GGTLC2: variants seen among roughly 807,000 people sequenced by gnomAD.
GGTLC2 encodes gamma-glutamyltransferase light chain 2, also known as glutathione hydrolase light chain 2.
Under a neutral mutation model 20.2 loss-of-function variants are expected in GGTLC2, and 13 were observed. The observed-to-expected ratio is 0.64, with a 90% CI of 0.42 to 1.02. The LOEUF is 1.02. Among genes scored for constraint, GGTLC2 ranks in the 50% least tolerant of loss-of-function variants. The pLI is 0.00. For missense variants in GGTLC2, 202 were observed against 301.3 expected (o/e 0.67, Z 2.44); for synonymous variants, 89 against 125.5 (o/e 0.71, Z 1.94).
rs370226263 is a variant in GGTLC2, at chr22:22,646,974, C to A, written c.305-9C>A. 1.4e-5 allele frequency: 22 copies of A among 1,611,674 alleles called. No individual in the cohort carries two copies. The African/African-American group carries it at 2.3e-4, about 17-fold the overall frequency. On this transcript the variant is annotated splice_polypyrimidine_tract_variant and intron_variant, in intron 3 of 5. Coordinates refer to ENST00000448514, the MANE Select transcript of GGTLC2 (RefSeq NM_199127.3). ...GACGGGCATCCCTGTCTTCTCCCAT[C>A]GGCCACAGGGAAGCAGCCGCTCTCG...
intron 1 of GGTLC2, among the ~76,000 whole-genome samples, chr22:22,645,919 C>T (rs2064060570): frequency 6.6e-6 from 1 of 151,338 alleles, no homozygotes. Context: ...TACCTCATGC[C>T]TCTTGATTCC....
In GGTLC2 at chr22:22,646,931, T is replaced by C. The variant is rs569712903; in HGVS notation, c.304+50T>C. On this transcript the variant is annotated intron_variant, in intron 3 of 5. Coordinates refer to ENST00000448514, the MANE Select transcript of GGTLC2 (RefSeq NM_199127.3). ...GGGGACTGGGGTGGAGAGGGGCGGG[T>C]GTCCTGGGCAGGCAGCTGACGGGCA... 17 of 1,610,852 alleles carry C rather than the reference T, an allele frequency of 1.1e-5. 2 individuals are homozygous for C. In the South Asian group the frequency reaches 1.9e-4, roughly 18 times the overall value.
In GGTLC2 at chr22:22,646,327, T is replaced by C. The variant is rs1359068380; in HGVS notation, c.-19T>C. The C allele has an allele frequency of 9.0e-7, 1 of 1,115,238 alleles. No homozygotes were observed. Among genetic ancestry groups the C allele is most frequent in the Non-Finnish European group, 1.3e-6 (1 of 785,596 alleles). The allele number at this position is 1,115,238 out of a possible 1,614,324, so 69.1% of individuals were successfully genotyped here. A position where few individuals can be genotyped will look rare whatever the true frequency, so the allele number is the denominator to read the frequency against. ...ACCTCCTCAGGCCAGCTCTGGGGTC[T>C]CGGCAGGTGGTCCACAACATGACCT... On this transcript the variant is annotated 5_prime_UTR_variant, in exon 2 of 6. Coordinates refer to ENST00000448514, the MANE Select transcript of GGTLC2 (RefSeq NM_199127.3).
At chr22:22,646,570 C>G (rs1404465419) in intron 2 of GGTLC2, 49 bp downstream of exon 2, 3 of 1,386,442 alleles carry the variant, frequency 2.2e-6, no homozygotes, top group Non-Finnish European at 3.0e-6. Context: ...GGGCGGGTGG[C>G]CCAGGGACTG....
chr22:22,647,300 G>T lies in GGTLC2; in HGVS notation c.510+10G>T, dbSNP rs762504590. On this transcript the variant is annotated intron_variant, in intron 5 of 5. Coordinates refer to ENST00000448514, the MANE Select transcript of GGTLC2 (RefSeq NM_199127.3). The stretch of plus-strand genomic sequence containing the variant: ...GAGAAACATTGACCAGGTGGGCCGG[G>T]GGTTGGAGAAACTGAGTCACGGTGT... The T allele has an allele frequency of 1.2e-4, 195 of 1,608,474 alleles. No individual in the cohort carries two copies. Among genetic ancestry groups the T allele is most frequent in the Non-Finnish European group, 1.6e-4 (188 of 1,178,232 alleles).
chr22:22,645,310 T>TCAA, intron 1 of GGTLC2, among the ~76,000 whole-genome samples: 1 of 151,214 alleles, frequency 6.6e-6, no homozygotes, highest in Admixed American at 6.6e-5. Context: ...CTTGGGGACC[T>TCAA]TGGCCAGGCT....
intron 1 of GGTLC2, among the ~76,000 whole-genome samples, chr22:22,644,949 G>C (rs1355963014): frequency 8.8e-6 from 1 of 113,338 alleles, no homozygotes; most frequent in African/African-American, 3.6e-5. Flanking sequence ...GGATTCCAGT[G>C]GCCTGATCTC....
rs139520107 is a variant in GGTLC2, at chr22:22,647,014, G to T, written c.336G>T (p.Thr112=). The T allele has an allele frequency of 6.2e-7, 1 of 1,611,652 alleles. No homozygotes were observed. Among genetic ancestry groups the T allele is most frequent in the South Asian group, 1.1e-5 (1 of 90,984 alleles). Residue 112 remains threonine, a synonymous_variant, in exon 4 of 6, where the codon ACG becomes ACT. Coordinates refer to ENST00000448514, the MANE Select transcript of GGTLC2 (RefSeq NM_199127.3). The part of the protein sequence containing the change: ...GKQPLSSMCP[T]IMVGQDGQPP... Reference sequence around the variant, plus strand: ...AGCCGCTCTCGTCAATGTGCCCGACGATCATGGTGGGCCAGGACGGCCAGG... The same window carrying T: ...AGCCGCTCTCGTCAATGTGCCCGACTATCATGGTGGGCCAGGACGGCCAGG...
chr22:22,647,077 C>T (rs764494098), intron 4 of GGTLC2, 39 bp downstream of exon 4: 1 of 1,611,702 alleles, frequency 6.2e-7, no homozygotes, highest in South Asian at 1.1e-5. Context: ...GCACACAGAT[C>T]ACCACAGCCA....
At position 22,646,426 on chromosome 22, in the gene GGTLC2, C is replaced by T. The variant is rs552506112; in HGVS notation, c.81C>T (p.Pro27=). ...DTTHPISYYK[P]EFYTPVDGGT... is the part of the protein sequence containing the mutation. Reference sequence around the variant, plus strand: ...CTCACCCGATCTCCTACTACAAGCCCGAGTTCTACACGCCGGTTGATGGGG... The same window carrying T: ...CTCACCCGATCTCCTACTACAAGCCTGAGTTCTACACGCCGGTTGATGGGG... The change falls in exon 2 of 6, where the codon CCC becomes CCT. Residue 27 remains proline, a synonymous_variant. Coordinates refer to ENST00000448514, the MANE Select transcript of GGTLC2 (RefSeq NM_199127.3). 11 of 1,538,894 alleles carry T rather than the reference C, an allele frequency of 7.1e-6. No individual in the cohort carries two copies. Among genetic ancestry groups the T allele is most frequent in the Middle Eastern group, 2.3e-4 (1 of 4,300 alleles).
intron 1 of GGTLC2, among the ~76,000 whole-genome samples, chr22:22,645,415 T>A (rs12160455): frequency 0.21 from 29,413 of 140,946 alleles, 3,298 homozygotes; most frequent in Admixed American, 0.28. Context: ...TTATTTTTTT[T>A]ATACGTGCAC....
rs777134354 is a variant in GGTLC2, at chr22:22,646,776, C to T, written c.199C>T (p.Pro67Ser). Residue 67 changes from proline to serine, a missense_variant, in exon 3 of 6, where the codon CCG becomes TCG. Physicochemically the swap from Pro to Ser is moderately conservative, Grantham distance 74. This residue lies in a region of GGTLC2 where 71 missense variants were observed against 63.0 expected (regional missense o/e 1.13). Transcript: ENST00000448514. ...NLYFGSKVRS[P>S]VSEILFNDEM... ...TAGCTTTGGCTCCAAGGTCCGCTCC[C>T]CGGTCAGCGAGATCCTGTTCAATGA... The T allele has an allele frequency of 1.9e-6, 3 of 1,610,194 alleles. No individual in the cohort carries two copies. The highest frequency in any genetic ancestry group is 3.3e-5 in the Admixed American group (2 of 59,898).
intron 1 of GGTLC2, among the ~76,000 whole-genome samples, 186 bp downstream of exon 1, chr22:22,644,894 T>C (rs1209541790): frequency 1.3e-5 from 1 of 79,620 alleles, no homozygotes; most frequent in African/African-American, 6.2e-5. Context: ...TTTTTTTTTT[T>C]TTTTTTTTTT....
At chr22:22,645,598 T>G (rs2064041379) in intron 1 of GGTLC2, among the ~76,000 whole-genome samples, 1 of 150,650 alleles carries the variant, frequency 6.6e-6, no homozygotes, top group Admixed American at 6.6e-5. Context: ...CCTTTGGGCT[T>G]TATCCTTATC....
In GGTLC2 at chr22:22,647,320, C is replaced by T. The variant is rs4049841; in HGVS notation, c.510+30C>T. ...GCCGGGGGTTGGAGAAACTGAGTCA[C>T]GGTGTGGGGCCCCAGGGCATCCTGG... On this transcript the variant is annotated intron_variant, in intron 5 of 5. Coordinates refer to ENST00000448514, the MANE Select transcript of GGTLC2 (RefSeq NM_199127.3). 81 of 1,606,994 alleles carry T rather than the reference C, an allele frequency of 5.0e-5. 1 individual carries two copies. The highest frequency in any genetic ancestry group is 2.7e-4 in the African/African-American group (20 of 74,850).
At chr22:22,644,929 C>T (rs1413510953) in intron 1 of GGTLC2, among the ~76,000 whole-genome samples, 1 of 103,282 alleles carries the variant, frequency 9.7e-6, no homozygotes, top group African/African-American at 4.1e-5. Flanking sequence ...CTCCCTCTGT[C>T]GCCCAGGCTG....
chr22:22,646,312 G>T lies in GGTLC2; in HGVS notation c.-34G>T, dbSNP rs1340599466. ...CCACCCTCCCTCCCCACCTCCTCAGGCCAGCTCTGGGGTCTCGGCAGGTGG... is the reference window on the plus strand; with the variant it reads ...CCACCCTCCCTCCCCACCTCCTCAGTCCAGCTCTGGGGTCTCGGCAGGTGG... On this transcript the variant is annotated splice_region_variant and 5_prime_UTR_variant, in exon 2 of 6. Transcript: ENST00000448514. 2 of 1,013,208 alleles carry T rather than the reference G, an allele frequency of 2.0e-6. No individual in the cohort carries two copies. The highest frequency in any genetic ancestry group is 1.7e-5 in the African/African-American group (1 of 58,686). The allele number at this position is 1,013,208 out of a possible 1,614,324, so 62.8% of individuals were successfully genotyped here.
intron 2 of GGTLC2, 72 bp from the exon 3 acceptor site, chr22:22,646,682 G>T (rs2064103635): frequency 6.3e-7 from 1 of 1,576,934 alleles, no homozygotes; most frequent in Non-Finnish European, 8.6e-7. Context: ...GTATGTTTGA[G>T]CCTCAGTGGG....
chr22:22,647,002 A>T lies in GGTLC2; in HGVS notation c.324A>T (p.Ser108=), dbSNP rs4050599. 2 of 1,611,388 alleles carry T rather than the reference A, an allele frequency of 1.2e-6. No homozygotes were observed. Among genetic ancestry groups the T allele is most frequent in the African/African-American group, 1.3e-5 (1 of 74,756 alleles). ...CCACAGGGAAGCAGCCGCTCTCGTCAATGTGCCCGACGATCATGGTGGGCC... is the reference window on the plus strand; with the variant it reads ...CCACAGGGAAGCAGCCGCTCTCGTCTATGTGCCCGACGATCATGGTGGGCC... ...FIQPGKQPLS[S]MCPTIMVGQD... Residue 108 remains serine (S), a synonymous_variant, in exon 4 of 6, where the codon TCA becomes TCT. Transcript: ENST00000448514.
Sources: allele counts gnomAD v4.1 joint callset (sites outside exome capture counted in the v4.1 genomes callset), GRCh38; gene constraint gnomAD v4.1.1; regional missense constraint gnomAD v4.1.1; transcripts MANE v1.5; gene names NCBI Gene and HGNC (gene_info 2026-07-23, HGNC 2026-07-21).